RBM7: variants seen among roughly 807,000 people sequenced by gnomAD.
RBM7 encodes RNA binding motif protein 7, also known as RNA-binding protein 7.
RBM7 carries 13 observed loss-of-function variants against 31.0 expected under a neutral mutation model. The ratio of observed to expected loss-of-function variants is 0.42; its 90% CI spans 0.27 to 0.67. The LOEUF (loss-of-function observed/expected upper bound fraction) is 0.67. Ranked by LOEUF, RBM7 falls within the 30% of genes least tolerant of loss-of-function variation. The pLI is 0.24. For missense variants in RBM7, 245 were observed against 326.2 expected, an observed-to-expected ratio of 0.75 and a Z score of 1.92; for synonymous variants, 106 against 111.2, an observed-to-expected ratio of 0.95 and a Z score of 0.30.
intron 3 of RBM7, 92 bp from the exon 4 acceptor site, chr11:114,405,614 T>G (rs943311235): frequency 8.8e-6 from 7 of 793,054 alleles, no homozygotes; most frequent in Non-Finnish European, 1.3e-5. Context: ...CCTGTCTTGT[T>G]CATTCCGACC....
Position 114,407,628 on chromosome 11 carries a change from C to G in RBM7, c.625C>G (p.Leu209Val), listed in dbSNP as rs1254683898. The part of the protein sequence containing the change: ...RKVRMNSYPY[L>V]ADRHYSREQR... ...AGTCAGAATGAATTCTTATCCCTAC[C>G]TAGCAGATAGACATTATAGCCGGGA... The change falls in exon 5 of 5, where the codon CTA becomes GTA. Residue 209 changes from leucine to valine, a missense_variant. Physicochemically the swap from Leu to Val is conservative, Grantham distance 32. Coordinates refer to ENST00000375490, the MANE Select transcript of RBM7 (RefSeq NM_001286045.2). The G allele has an allele frequency of 1.2e-6, 2 of 1,614,084 alleles. No individual in the cohort carries two copies. The highest frequency in any genetic ancestry group is 1.7e-5 in the Admixed American group (1 of 60,016).
rs1946184569 is a variant in RBM7, at chr11:114,400,673, T to TG, written c.7dup (p.Ala3?). ...GGTTAGGGAGGGGGCGACGCTGAGA[T>TG]GGGGGCGGCGGCGGCGGAAGCGGAT... On this transcript the variant is annotated frameshift_variant and start_lost, in exon 1 of 5. Transcript: ENST00000375490. LOFTEE classifies it high-confidence loss of function. 6.2e-7 allele frequency: 1 copy of TG among 1,613,930 alleles called. No homozygotes were observed. Among genetic ancestry groups the TG allele is most frequent in the Non-Finnish European group, 8.5e-7 (1 of 1,179,968 alleles).
rs1348664947 is a variant in RBM7 at position 114,408,745 on chromosome 11, C to G, written c.*938C>G. 3 of 152,062 alleles carry G rather than the reference C, an allele frequency of 2.0e-5. No individual in the cohort carries two copies. The highest frequency in any genetic ancestry group is 4.4e-5 in the Non-Finnish European group (3 of 67,990). The allele number at this position is 152,062 out of a possible 1,614,324, so 9.4% of individuals were successfully genotyped here. On this transcript the variant is annotated 3_prime_UTR_variant, in exon 5 of 5. Coordinates refer to ENST00000375490, the MANE Select transcript of RBM7 (RefSeq NM_001286045.2). ...TGAAAGAGTTTAATCTTAACGTTTTCTAATTTTAAAATTTTAAAATCTTGT... is the reference window on the plus strand; with the variant it reads ...TGAAAGAGTTTAATCTTAACGTTTTGTAATTTTAAAATTTTAAAATCTTGT...
rs555495654 is a variant in RBM7, at chr11:114,400,806, G to T, written c.96+39G>T. 41 of 1,611,500 alleles carry T rather than the reference G, an allele frequency of 2.5e-5. 1 individual carries two copies. In the South Asian group the frequency reaches 2.6e-4, roughly 10 times the overall value. ...TTCGGCCCTTTGCCTTTCGTTTTCC[G>T]TCTCGCCTAGGGCCTGGCCAGCGGC... On this transcript the variant is annotated intron_variant, in intron 1 of 4. Transcript: ENST00000375490.
rs758645695 is a variant in RBM7, at chr11:114,407,761, G to A, written c.758G>A (p.Arg253Lys). 1 of 1,613,198 alleles carries A rather than the reference G, an allele frequency of 6.2e-7. No individual in the cohort carries two copies. The highest frequency in any genetic ancestry group is 1.7e-5 in the Admixed American group (1 of 60,026). The change falls in exon 5 of 5, where the codon AGA becomes AAA. Residue 253 changes from arginine (R) to lysine (K), a missense_variant. By Grantham distance (26) the Arg-to-Lys change is conservative. Coordinates refer to ENST00000375490, the MANE Select transcript of RBM7 (RefSeq NM_001286045.2). The stretch of plus-strand genomic sequence containing the variant: ...GACTGGAGCCATGACTATGATAACA[G>A]AAGAGACAGTAGTAGAGATGGAAAA... ...HDDWSHDYDN[R>K]RDSSRDGKWR...
At chr11:114,405,858 T>A in intron 4 of RBM7, 59 bp downstream of exon 4, 1 of 1,225,484 alleles carries the variant, frequency 8.2e-7, no homozygotes. Flanking sequence ...AGTTAAAATG[T>A]TCGCATTGTA....
rs1332653874 is a variant in RBM7, at chr11:114,409,827, G to C, written c.*2020G>C. 6.6e-6 allele frequency: 1 copy of C among 152,180 alleles called. No individual in the cohort carries two copies. The highest frequency in any genetic ancestry group is 2.4e-5 in the African/African-American group (1 of 41,434). The allele number at this position is 152,180 out of a possible 1,614,324, so 9.4% of individuals were successfully genotyped here. A position where few individuals can be genotyped will look rare whatever the true frequency, so the allele number is the denominator to read the frequency against. On this transcript the variant is annotated 3_prime_UTR_variant, in exon 5 of 5. Coordinates refer to ENST00000375490, the MANE Select transcript of RBM7 (RefSeq NM_001286045.2). ...TCACTTCACTTTCAGTGAGCTGAAA[G>C]TAACCAAACTAAATACATGTATTGT...
chr11:114,405,552 A>G (rs1946255628), intron 3 of RBM7, among the ~76,000 whole-genome samples, 154 bp from the exon 4 acceptor site: 1 of 152,210 alleles, frequency 6.6e-6, no homozygotes, highest in South Asian at 2.1e-4. Flanking sequence ...ATCATGAGAA[A>G]ATATCCTGTT....
chr11:114,402,589 G>C (rs1176706161), intron 2 of RBM7, among the ~76,000 whole-genome samples: 2 of 151,658 alleles, frequency 1.3e-5, no homozygotes, highest in African/African-American at 2.4e-5. Context: ...ATTTTTAGTA[G>C]AGGTGGGGTT....
intron 3 of RBM7, among the ~76,000 whole-genome samples, chr11:114,403,203 AC>A (rs2135351392): frequency 6.6e-6 from 1 of 152,362 alleles, no homozygotes; most frequent in South Asian, 2.1e-4. Context: ...GTACATGTAT[AC>A]ACTTGAAACA....
chr11:114,405,584 G>A (rs1946255976), intron 3 of RBM7, 122 bp from the exon 4 acceptor site: 1 of 497,794 alleles, frequency 2.0e-6, no homozygotes, highest in South Asian at 4.2e-5. Context: ...TATTCTGGCT[G>A]CATGAGAGCA....
chr11:114,407,523 T>C lies in RBM7; in HGVS notation c.520T>C (p.Ser174Pro), dbSNP rs1946281410. The change falls in exon 5 of 5, where the codon TCA becomes CCA. Residue 174 changes from serine to proline, a missense_variant. Transcript: ENST00000375490. ...SPLDQSGFSPSVQSHSHSFNQ... is the reference protein window; with the variant it reads ...SPLDQSGFSPPVQSHSHSFNQ... The stretch of plus-strand genomic sequence containing the variant: ...TCTGGATCAATCAGGATTTTCACCA[T>C]CAGTTCAATCACACAGTCATAGTTT... The C allele has an allele frequency of 6.2e-7, 1 of 1,614,214 alleles. No homozygotes were observed. Among genetic ancestry groups the C allele is most frequent in the Admixed American group, 1.7e-5 (1 of 60,022 alleles).
intron 1 of RBM7, 35 bp from the exon 2 acceptor site, chr11:114,401,663 C>T (rs771996652): frequency 7.0e-7 from 1 of 1,437,766 alleles, no homozygotes; most frequent in Non-Finnish European, 9.2e-7. Context: ...CCCTTAGTTG[C>T]TTTATTTAAA....
Position 114,407,658 on chromosome 11 carries a change from C to T in RBM7, c.655C>T (p.Arg219Cys), listed in dbSNP as rs11543050. The stretch of plus-strand genomic sequence containing the variant: ...AGATAGACATTATAGCCGGGAACAG[C>T]GTTACACTGATCATGGGTCTGACCA... The part of the protein sequence containing the change: ...LADRHYSREQ[R>C]YTDHGSDHHY... Residue 219 changes from arginine (R) to cysteine (C), a missense_variant, in exon 5 of 5, where the codon CGT becomes TGT. Coordinates refer to ENST00000375490, the MANE Select transcript of RBM7 (RefSeq NM_001286045.2). The T allele has an allele frequency of 8.1e-6, 13 of 1,613,954 alleles. No individual in the cohort carries two copies. The highest frequency in any genetic ancestry group is 1.3e-5 in the African/African-American group (1 of 74,890).
intron 3 of RBM7, among the ~76,000 whole-genome samples, chr11:114,404,819 G>A (rs3863297): frequency 2.0e-5 from 3 of 151,848 alleles, no homozygotes; most frequent in East Asian, 1.9e-4. Context: ...TTGAAAAAAC[G>A]CAAAATTAAA....
Position 114,402,778 on chromosome 11 carries a change from TC to T in RBM7, c.260-49del. On this transcript the variant is annotated intron_variant, in intron 2 of 4. Transcript: ENST00000375490. ...GATTTCAAGTGGGGAAGACAAAATTTCAAATTAGATTTTCTATCAAGAATAA... is the reference window on the plus strand; with the variant it reads ...GATTTCAAGTGGGGAAGACAAAATTTAAATTAGATTTTCTATCAAGAATAA... 2.0e-6 allele frequency: 3 copies of T among 1,483,108 alleles called. 1 individual carries two copies. In the South Asian group the frequency reaches 3.4e-5, roughly 17 times the overall value. The allele number at this position is 1,483,108 out of a possible 1,614,324, so 91.9% of individuals were successfully genotyped here. A position where few individuals can be genotyped will look rare whatever the true frequency, so the allele number is the denominator to read the frequency against.
intron 3 of RBM7, among the ~76,000 whole-genome samples, chr11:114,405,298 A>G (rs969344727): frequency 2.0e-5 from 3 of 152,198 alleles, no homozygotes; most frequent in African/African-American, 7.2e-5. Context: ...TGGTGTGGCT[A>G]TGTTCCAGTA....
rs1946321861 is a variant in RBM7, at chr11:114,410,427, C to T, written c.*2620C>T. The T allele has an allele frequency of 6.6e-6, 1 of 152,112 alleles. No homozygotes were observed. Among genetic ancestry groups the T allele is most frequent in the South Asian group, 2.1e-4 (1 of 4,822 alleles). The allele number at this position is 152,112 out of a possible 1,614,324, so 9.4% of individuals were successfully genotyped here. On this transcript the variant is annotated 3_prime_UTR_variant, in exon 5 of 5. Coordinates refer to ENST00000375490, the MANE Select transcript of RBM7 (RefSeq NM_001286045.2). ...CCACTTTCTAATTATGTTGTGTGTG[C>T]CCACTTTCCCCATACCTACTGCTAC...
chr11:114,404,076 A>G (rs1337351134), intron 3 of RBM7, among the ~76,000 whole-genome samples: 1 of 152,182 alleles, frequency 6.6e-6, no homozygotes, highest in Admixed American at 6.5e-5. Context: ...CTTTTAAACT[A>G]TAATCAGGAT....
Sources: gnomAD v4.1 joint callset for allele counts (sites outside exome capture counted in the v4.1 genomes callset) on GRCh38, gnomAD v4.1.1 for gene constraint, MANE v1.5 for transcripts, NCBI Gene and HGNC (gene_info 2026-07-23, HGNC 2026-07-21) for gene names.